Variants in TMC6 observed in about 807,000 individuals in gnomAD.
TMC6 encodes transmembrane channel like 6, also known as transmembrane channel-like protein 6.
Under a neutral mutation model 95.4 loss-of-function variants are expected in TMC6, and 71 were observed. That is an observed-to-expected ratio of 0.74 (90% CI 0.61 to 0.91). The LOEUF (loss-of-function observed/expected upper bound fraction) is 0.91. TMC6 is among the 40% of genes least tolerant of loss of function. The pLI is 0.00. For synonymous variants in TMC6, 514 were observed against 483.1 expected, an observed-to-expected ratio of 1.06 and a Z score of -0.84; for missense variants, 1,074 against 1,079.1, an observed-to-expected ratio of 1.00 and a Z score of 0.07.
intron 4 of TMC6, 160 bp from the exon 5 acceptor site, chr17:78,126,044 T>G: frequency 8.3e-7 from 1 of 1,204,604 alleles, no homozygotes; most frequent in Non-Finnish European, 1.2e-6. Flanking sequence ...AAAGCCTATT[T>G]TTACCCCGTG....
At chr17:78,131,050 G>A (rs750663635), upstream of TMC6, 7 of 186,382 alleles carry the variant, frequency 3.8e-5, no homozygotes, top group Non-Finnish European at 6.8e-5. Context: ...GGGGTCCCCC[G>A]ACATCCAGAG....
chr17:78,122,861 C>A lies in TMC6; in HGVS notation c.1083-112G>T. The A allele has an allele frequency of 3.4e-6, 5 of 1,481,354 alleles. No homozygotes were observed. Among genetic ancestry groups the A allele is most frequent in the Non-Finnish European group, 4.6e-6 (5 of 1,098,198 alleles). The allele number at this position is 1,481,354 out of a possible 1,614,324, so 91.8% of individuals were successfully genotyped here. A position where few individuals can be genotyped will look rare whatever the true frequency, so the allele number is the denominator to read the frequency against. ...CCAGACCCCACCACCCACTCAGGAG[C>A]CATCTGGGCCCTGACTGGGCCTCCT... On this transcript the variant is annotated intron_variant, in intron 9 of 19. Coordinates refer to ENST00000590602, the MANE Select transcript of TMC6 (RefSeq NM_001127198.5). The surrounding 1 kb of genome is among the most constrained non-coding windows in gnomAD (Gnocchi z 4.9).
intron 4 of TMC6, 176 bp downstream of exon 4, chr17:78,126,101 T>C: frequency 9.0e-7 from 1 of 1,113,200 alleles, no homozygotes; most frequent in South Asian, 1.5e-5. Context: ...CACATGGGGC[T>C]GTGCTGGGCC....
chr17:78,114,329 G>A (rs920580747), intron 18 of TMC6, among the ~76,000 whole-genome samples: 17 of 152,118 alleles, frequency 1.1e-4, no homozygotes, highest in Non-Finnish European at 2.1e-4. Flanking sequence ...AGATCACGCT[G>A]GGCCACCACG....
In TMC6 at chr17:78,113,041, G is replaced by T; in HGVS notation, c.*107C>A. The T allele has an allele frequency of 7.3e-7, 1 of 1,375,604 alleles. No individual in the cohort carries two copies. The highest frequency in any genetic ancestry group is 1.3e-5 in the South Asian group (1 of 79,960). The allele number at this position is 1,375,604 out of a possible 1,614,324, so 85.2% of individuals were successfully genotyped here. ...CAGCCTAGGCGCAGCTGCGGCTTTC[G>T]AGAGGCGAAACTGTCTTCCTTGTCC... is the stretch of plus-strand genomic sequence containing the variant. On this transcript the variant is annotated 3_prime_UTR_variant, in exon 20 of 20. Transcript: ENST00000590602.
At chr17:78,113,473 G>T in intron 19 of TMC6, 75 bp downstream of exon 19, 1 of 1,537,434 alleles carries the variant, frequency 6.5e-7, no homozygotes, top group Non-Finnish European at 9.0e-7. Context: ...AGCCCCAGTG[G>T]CAGCCCTACT....
chr17:78,126,498 C>T (rs2074725504), intron 3 of TMC6, 26 bp downstream of exon 3: 1 of 1,612,484 alleles, frequency 6.2e-7, no homozygotes, highest in African/African-American at 1.3e-5. Context: ...TGGTCCACAC[C>T]ACCCAGCATC....
In TMC6 at chr17:78,112,481, C is replaced by A; in HGVS notation, c.*667G>T. 1 of 162,136 alleles carries A rather than the reference C, an allele frequency of 6.2e-6. No homozygotes were observed. Among genetic ancestry groups the A allele is most frequent in the South Asian group, 1.4e-4 (1 of 7,384 alleles). The allele number at this position is 162,136 out of a possible 1,614,324, so 10.0% of individuals were successfully genotyped here. On this transcript the variant is annotated 3_prime_UTR_variant, in exon 20 of 20. Transcript: ENST00000590602. The stretch of plus-strand genomic sequence containing the variant: ...GCTGCTGGCAGCCAGAAGCAGGGGG[C>A]CAGCCCCACCTCACCAAGCCCTGTT...
upstream of TMC6, among the ~76,000 whole-genome samples, chr17:78,129,326 C>T (rs145859152): frequency 1.0e-3 from 154 of 152,256 alleles, no homozygotes; most frequent in Admixed American, 3.1e-3. The surrounding 1 kb of genome is among the most constrained non-coding windows in gnomAD (Gnocchi z 4.3). Flanking sequence ...GTGCTGTACC[C>T]GTTGCCCTGT....
rs755793681 is a variant in TMC6, at chr17:78,120,608, T to TCC, written c.1715+44_1715+45insGG. 47 of 1,612,954 alleles carry TCC rather than the reference T, an allele frequency of 2.9e-5. 1 individual carries two copies. In the South Asian group the frequency reaches 4.5e-4, roughly 15 times the overall value. On this transcript the variant is annotated intron_variant, in intron 13 of 19. Transcript: ENST00000590602. ...CCTCCCGGCCACACGTCCCGGCCAC[T>TCC]AAGGGGAGAACACTCACCACCCAGT...
chr17:78,115,102 G>A (rs1261289018), intron 18 of TMC6, among the ~76,000 whole-genome samples: 6 of 152,222 alleles, frequency 3.9e-5, no homozygotes, highest in African/African-American at 7.2e-5. Flanking sequence ...GTGGTGAAAC[G>A]GGAAAGGCAG....
chr17:78,115,536 G>T (rs1266429706), intron 18 of TMC6, among the ~76,000 whole-genome samples: 3 of 152,224 alleles, frequency 2.0e-5, no homozygotes, highest in Non-Finnish European at 4.4e-5. Flanking sequence ...AGGAGGCCAG[G>T]CTGGGTAGCC....
intron 1 of TMC6, 181 bp from the exon 2 acceptor site, chr17:78,127,087 T>C: frequency 6.7e-6 from 4 of 592,948 alleles, no homozygotes; most frequent in Non-Finnish European, 9.0e-6. Flanking sequence ...CAGAATGGAA[T>C]GGGGGGCCCC....
chr17:78,120,539 G>A, intron 13 of TMC6, 114 bp downstream of exon 13: 2 of 1,455,418 alleles, frequency 1.4e-6, no homozygotes, highest in East Asian at 2.3e-5. Flanking sequence ...TCCTCTGAAG[G>A]GTGGAGACAC....
chr17:78,113,002 C>T lies in TMC6; in HGVS notation c.*146G>A. 1.1e-6 allele frequency: 1 copy of T among 889,918 alleles called. No individual in the cohort carries two copies. The highest frequency in any genetic ancestry group is 1.8e-6 in the Non-Finnish European group (1 of 567,194). 55.1% of individuals were successfully genotyped at this position (889,918 alleles called of 1,614,324 possible). A position where few individuals can be genotyped will look rare whatever the true frequency, so the allele number is the denominator to read the frequency against. On this transcript the variant is annotated 3_prime_UTR_variant, in exon 20 of 20. Coordinates refer to ENST00000590602, the MANE Select transcript of TMC6 (RefSeq NM_001127198.5). ...TGGGGATGCCCAAGCCGGATTCACC[C>T]ACCCTTCCAGCTCCAGCCTAGGCGC... is the stretch of plus-strand genomic sequence containing the variant.
intron 18 of TMC6, among the ~76,000 whole-genome samples, chr17:78,115,596 G>A (rs2074034772): frequency 6.6e-6 from 1 of 152,168 alleles, no homozygotes; most frequent in Non-Finnish European, 1.5e-5. Context: ...AGTGGGCAAG[G>A]AGGTCCTCCT....
chr17:78,131,528 G>C (rs970046172), upstream of TMC6: 6 of 1,533,728 alleles, frequency 3.9e-6, no homozygotes, highest in East Asian at 2.4e-5. Flanking sequence ...TCATCCAACC[G>C]GGGACTCATA....
upstream of TMC6, chr17:78,130,592 C>G (rs1445547176): frequency 6.6e-6 from 1 of 152,344 alleles, no homozygotes; most frequent in Non-Finnish European, 1.5e-5. Flanking sequence ...CCAGCATGCA[C>G]AGAGCTCCCT....
rs1476967035 is a variant in TMC6 at position 78,109,685 on chromosome 17, A to G, written c.*3463T>C. The G allele has an allele frequency of 2.5e-6, 1 of 395,240 alleles. No homozygotes were observed. The highest frequency in any genetic ancestry group is 7.2e-5 in the East Asian group (1 of 13,842). 24.5% of individuals were successfully genotyped at this position (395,240 alleles called of 1,614,324 possible). On this transcript the variant is annotated 3_prime_UTR_variant, in exon 20 of 20. Transcript: ENST00000590602. ...CAAGCCCACGGGCGTGAGTGCATGCATGCGTTTGTGACAGCCTGGTGCTCG... is the reference window on the plus strand; with the variant it reads ...CAAGCCCACGGGCGTGAGTGCATGCGTGCGTTTGTGACAGCCTGGTGCTCG...
Sources: gnomAD v4.1 joint callset for allele counts (sites outside exome capture counted in the v4.1 genomes callset) on GRCh38, gnomAD v4.1.1 for gene constraint, Gnocchi (gnomAD v3.1) non-coding constraint, MANE v1.5 for transcripts, NCBI Gene and HGNC (gene_info 2026-07-23, HGNC 2026-07-21) for gene names.